Variants in WDR62 observed in about 807,000 individuals in gnomAD.
The protein encoded by WDR62 is WD repeat domain 62, also known as WD repeat-containing protein 62.
Under a neutral mutation model 160.6 loss-of-function variants are expected in WDR62, and 112 were observed. That is an observed-to-expected ratio of 0.70 (90% CI 0.60 to 0.82). WDR62 has a LOEUF of 0.82. WDR62 is among the 40% of genes least tolerant of loss of function. The pLI, the probability that WDR62 is intolerant of heterozygous loss-of-function variation, is 0.00. For synonymous variants in WDR62, 792 were observed against 815.1 expected (o/e 0.97, Z 0.48); for missense variants, 1,819 against 1,983.8 (o/e 0.92, Z 1.58).
intron 7 of WDR62, among the ~76,000 whole-genome samples, chr19:36,069,849 C>A (rs1379726292): frequency 6.6e-6 from 1 of 152,144 alleles, no homozygotes; most frequent in Non-Finnish European, 1.5e-5. Context: ...AATACGAAAA[C>A]CAGTCAGGCG....
At chr19:36,100,718 C>A in intron 22 of WDR62, 30 bp from the exon 23 acceptor site, 1 of 1,613,298 alleles carries the variant, frequency 6.2e-7, no homozygotes, top group Non-Finnish European at 8.5e-7. Context: ...CCATGCCTGC[C>A]TCAGAATGGC....
rs148353268 is a variant in WDR62, at chr19:36,096,843, C to T, written c.2468-184C>T. Among the ~76,000 whole-genome samples the T allele has an allele frequency of 9.8e-5, 15 of 152,332 alleles. No homozygotes were observed. The East Asian group carries it at 2.7e-3, about 27-fold the overall frequency. On this transcript the variant is annotated intron_variant, in intron 20 of 31. Transcript: ENST00000401500. Reference sequence around the variant, plus strand: ...TTGGTAGTATTAAGCTTTTTCACCTCGGTCAGTCTCGTGAGTCAAATATCG... The same window carrying T: ...TTGGTAGTATTAAGCTTTTTCACCTTGGTCAGTCTCGTGAGTCAAATATCG...
chr19:36,070,755 A>G (rs760150146), intron 7 of WDR62: 9 of 152,262 alleles, frequency 5.9e-5, no homozygotes, highest in Non-Finnish European at 1.5e-5. Context: ...TGACTCATAA[A>G]TTAAGTCCCT....
chr19:36,065,841 G>A, intron 3 of WDR62, 117 bp from the exon 4 acceptor site: 1 of 984,754 alleles, frequency 1.0e-6, no homozygotes, highest in Non-Finnish European at 1.6e-6. Context: ...CACCTCTGCT[G>A]GCCTCTTCCG....
At chr19:36,092,938 T>C in intron 19 of WDR62, 127 bp downstream of exon 19, 3 of 1,367,530 alleles carry the variant, frequency 2.2e-6, no homozygotes, top group African/African-American at 1.4e-5. Flanking sequence ...CACAGCTGAG[T>C]AGGGGAGACA....
chr19:36,102,487 C>G (rs924004285), intron 26 of WDR62: 5 of 590,662 alleles, frequency 8.5e-6, no homozygotes, highest in Non-Finnish European at 1.5e-5. Context: ...GTCTCAAACT[C>G]CTGCCTCAGA....
chr19:36,084,844 G>T, intron 12 of WDR62, 100 bp downstream of exon 12: 1 of 1,136,236 alleles, frequency 8.8e-7, no homozygotes, highest in South Asian at 1.3e-5. Context: ...GACTGTGGAT[G>T]ACAGCTGGGA....
At chr19:36,063,616 A>G (rs143032409) in intron 3 of WDR62, among the ~76,000 whole-genome samples, 1,589 of 152,270 alleles carry the variant, frequency 0.01, 14 homozygotes, top group African/African-American at 0.016. Context: ...GGTTTGTCCA[A>G]TGCCTCCTCA....
chr19:36,072,648 T>C (rs1430576032), intron 8 of WDR62, among the ~76,000 whole-genome samples: 1 of 152,068 alleles, frequency 6.6e-6, no homozygotes, highest in Non-Finnish European at 1.5e-5. Flanking sequence ...TGGGTGCCTT[T>C]TCCACGACAG....
chr19:36,082,419 C>G (rs190507609), intron 10 of WDR62, among the ~76,000 whole-genome samples: 1 of 152,058 alleles, frequency 6.6e-6, no homozygotes, highest in African/African-American at 2.4e-5. Context: ...TATGAAGGCC[C>G]TGGGGTGGGA....
At position 36,102,021 on chromosome 19, in the gene WDR62, A is replaced by G; in HGVS notation, c.3090A>G (p.Ala1030=). The part of the protein sequence containing the change: ...ATSLPHFPGC[A]GPTEDELSLP... ...CCCCTCCTTCCCTGTCAGGATGCGC[A>G]GGTCCCACAGAAGATGAGCTGTCCC... is the stretch of plus-strand genomic sequence containing the variant. Residue 1030 remains alanine, a synonymous_variant, in exon 26 of 32, where the codon GCA becomes GCG. Coordinates refer to ENST00000401500, the MANE Select transcript of WDR62 (RefSeq NM_001083961.2). 1 of 1,614,094 alleles carries G rather than the reference A, an allele frequency of 6.2e-7. No individual in the cohort carries two copies. Among genetic ancestry groups the G allele is most frequent in the South Asian group, 1.1e-5 (1 of 91,084 alleles).
chr19:36,084,600 A>G (rs1972092515), intron 11 of WDR62, 53 bp from the exon 12 acceptor site: 5 of 1,562,870 alleles, frequency 3.2e-6, no homozygotes, highest in East Asian at 2.2e-5. Context: ...TAGAAGTGGT[A>G]GAGCACATGG....
rs1486636547 is a variant in WDR62, at chr19:36,081,841, C to A, written c.1371+271C>A. 1.7e-5 allele frequency: 10 copies of A among 589,662 alleles called. No individual in the cohort carries two copies. The Admixed American group carries it at 2.2e-4, about 13-fold the overall frequency. 36.5% of individuals were successfully genotyped at this position (589,662 alleles called of 1,614,324 possible). On this transcript the variant is annotated intron_variant, in intron 10 of 31. Coordinates refer to ENST00000401500, the MANE Select transcript of WDR62 (RefSeq NM_001083961.2). ...GTGGACGTGGCCACTCCCGGCAGCCCAACACACCCAGCCCAGGTGAAATTG... is the reference window on the plus strand; with the variant it reads ...GTGGACGTGGCCACTCCCGGCAGCCAAACACACCCAGCCCAGGTGAAATTG...
intron 22 of WDR62, among the ~76,000 whole-genome samples, chr19:36,099,826 A>G (rs1408443027): frequency 6.6e-6 from 1 of 152,180 alleles, no homozygotes; most frequent in Non-Finnish European, 1.5e-5. Context: ...GGGGGTTAAG[A>G]GCTTGGATGC....
chr19:36,064,336 C>T (rs377383833), intron 3 of WDR62, among the ~76,000 whole-genome samples: 60 of 152,114 alleles, frequency 3.9e-4, no homozygotes, highest in African/African-American at 1.2e-3. Context: ...AGTGCAGTGG[C>T]GCGATCTTGG....
At chr19:36,059,876 T>C in intron 2 of WDR62, 92 bp from the exon 3 acceptor site, 1 of 1,359,102 alleles carries the variant, frequency 7.4e-7, no homozygotes, top group Non-Finnish European at 1.1e-6. Flanking sequence ...CGAGGGAGCT[T>C]GTTTATTTGT....
At chr19:36,094,706 A>G (rs919245190) in intron 20 of WDR62, among the ~76,000 whole-genome samples, 11 of 152,010 alleles carry the variant, frequency 7.2e-5, no homozygotes, top group African/African-American at 2.7e-4. Flanking sequence ...CCTGGGCAAC[A>G]TAGCGAGAGC....
At chr19:36,102,246 A>C (rs1053568655) in intron 26 of WDR62, 95 bp downstream of exon 26, 113 of 1,570,632 alleles carry the variant, frequency 7.2e-5, no homozygotes, top group Non-Finnish European at 9.5e-5. Flanking sequence ...CAGGGCCAGG[A>C]GGGTGAGTGG....
chr19:36,109,516 TCGAGG>T, downstream of WDR62, among the ~76,000 whole-genome samples: 1 of 145,638 alleles, frequency 6.9e-6, no homozygotes, highest in East Asian at 2.1e-4. Flanking sequence ...GGTGGATCAC[TCGAGG>T]TCAGGAGTTT....
Sources: gnomAD v4.1 joint callset for allele counts (sites outside exome capture counted in the v4.1 genomes callset) on GRCh38, gnomAD v4.1.1 for gene constraint, MANE v1.5 for transcripts, NCBI Gene and HGNC (gene_info 2026-07-23, HGNC 2026-07-21) for gene names.